GRM7: variants seen among roughly 807,000 people sequenced by gnomAD.
GRM7 encodes the protein metabotropic glutamate receptor 7.
Under a neutral mutation model 84.5 loss-of-function variants are expected in GRM7, and 35 were observed. The observed-to-expected ratio is 0.41, with a 90% CI of 0.32 to 0.55. The LOEUF (loss-of-function observed/expected upper bound fraction) is 0.55, where lower values mean the gene tolerates loss of function less well. Ranked by LOEUF, GRM7 falls within the 20% of genes least tolerant of loss-of-function variation. GRM7 has a pLI of 0.19. For synonymous variants in GRM7, 487 were observed against 455.1 expected, an observed-to-expected ratio of 1.07 and a Z score of -0.89; for missense variants, 1,003 against 1,194.6, an observed-to-expected ratio of 0.84 and a Z score of 2.36.
At chr3:7,123,654 G>A (rs1197322465) in intron 1 of GRM7, among the ~76,000 whole-genome samples, 1 of 151,942 alleles carries the variant, frequency 6.6e-6, no homozygotes, top group African/African-American at 2.4e-5. Flanking sequence ...GCATTGTTCA[G>A]GAATGCACTA....
At chr3:6,954,331 A>G (rs1425189157) in intron 1 of GRM7, among the ~76,000 whole-genome samples, 2 of 152,180 alleles carry the variant, frequency 1.3e-5, no homozygotes, top group Non-Finnish European at 2.9e-5. Context: ...TTCTGCAATT[A>G]ACTTATGTTG....
At chr3:7,310,823 C>T (rs939900407) in intron 4 of GRM7, among the ~76,000 whole-genome samples, 1 of 151,624 alleles carries the variant, frequency 6.6e-6, no homozygotes, top group African/African-American at 2.4e-5. Context: ...TGAGTTATAC[C>T]CTATCCAAGT....
At chr3:6,975,254 C>T (rs571414678) in intron 1 of GRM7, among the ~76,000 whole-genome samples, 7 of 152,200 alleles carry the variant, frequency 4.6e-5, no homozygotes, top group South Asian at 2.1e-4. Flanking sequence ...AAAGAAGAAG[C>T]GAGAAATGGT....
chr3:7,394,691 G>T (rs6763574), intron 4 of GRM7, among the ~76,000 whole-genome samples: 90,455 of 151,930 alleles, frequency 0.6, 27,190 homozygotes, highest in Non-Finnish European at 0.65. Flanking sequence ...CAGCAACTTC[G>T]TATTGTCTTA....
intron 6 of GRM7, among the ~76,000 whole-genome samples, chr3:7,453,292 A>G (rs1227672664): frequency 2.0e-5 from 3 of 152,156 alleles, no homozygotes; most frequent in South Asian, 2.1e-4. Context: ...CTCTACTTCA[A>G]TTCCTACATG....
At chr3:6,994,487 G>T (rs1022022133) in intron 1 of GRM7, among the ~76,000 whole-genome samples, 6 of 152,182 alleles carry the variant, frequency 3.9e-5, no homozygotes, top group Non-Finnish European at 8.8e-5. Context: ...GTCCACAGGA[G>T]GGAGACACTA....
In GRM7 at chr3:7,409,686, T is replaced by C. The variant is rs1052387185; in HGVS notation, c.1034-5337T>C. On this transcript the variant is annotated intron_variant, in intron 4 of 9. Coordinates refer to ENST00000357716, the MANE Select transcript of GRM7 (RefSeq NM_000844.4). ...CGGGATCTTGGCTCACTGCAACCTCTGCCTCCTGGGTTCAAGCAGTTCTCC... is the reference window on the plus strand; with the variant it reads ...CGGGATCTTGGCTCACTGCAACCTCCGCCTCCTGGGTTCAAGCAGTTCTCC... Among the ~76,000 whole-genome samples, 4 of 152,218 alleles carry C rather than the reference T, an allele frequency of 2.6e-5. No homozygotes were observed. In the South Asian group the frequency reaches 6.2e-4, roughly 24 times the overall value.
chr3:7,712,966 C>T (rs1701633828), intron 9 of GRM7, among the ~76,000 whole-genome samples: 2 of 152,076 alleles, frequency 1.3e-5, no homozygotes, highest in Middle Eastern at 6.8e-3. Flanking sequence ...TGTCTACCTG[C>T]CTGTGTCCAA....
rs951703105 is a variant in GRM7, at chr3:6,957,763, T to G, written c.519+95856T>G. Among the ~76,000 whole-genome samples the G allele has an allele frequency of 2.6e-5, 4 of 152,184 alleles. No homozygotes were observed. The East Asian group carries it at 7.7e-4, about 29-fold the overall frequency. Reference sequence around the variant, plus strand: ...ACACCTTCAATGTTTCATCCATTCATTCAATGTAATAAGTGGTGAGAAAAC... The same window carrying G: ...ACACCTTCAATGTTTCATCCATTCAGTCAATGTAATAAGTGGTGAGAAAAC... On this transcript the variant is annotated intron_variant, in intron 1 of 9. Coordinates refer to ENST00000357716, the MANE Select transcript of GRM7 (RefSeq NM_000844.4).
intron 9 of GRM7, 123 bp downstream of exon 9, chr3:7,680,418 T>C (rs940974350): frequency 1.9e-5 from 18 of 950,440 alleles, no homozygotes; most frequent in African/African-American, 3.3e-5. Flanking sequence ...CTGGGTTGCC[T>C]TGGTGAATGC....
At chr3:7,362,167 T>A (rs1214721805) in intron 4 of GRM7, among the ~76,000 whole-genome samples, 2 of 152,054 alleles carry the variant, frequency 1.3e-5, no homozygotes, top group African/African-American at 2.4e-5. Flanking sequence ...ATAATAGTCA[T>A]TTTTTTAGTC....
intron 7 of GRM7, among the ~76,000 whole-genome samples, chr3:7,506,121 C>T (rs990719475): frequency 6.6e-6 from 1 of 152,172 alleles, no homozygotes; most frequent in East Asian, 1.9e-4. Flanking sequence ...GACCAGATAT[C>T]CTAATTTATC....
chr3:7,462,322 CT>C (rs1181616359), intron 7 of GRM7, among the ~76,000 whole-genome samples: 5 of 152,120 alleles, frequency 3.3e-5, no homozygotes, highest in African/African-American at 1.2e-4. Context: ...CTATTTAGGC[CT>C]TGAAATAATT....
chr3:7,649,729 C>G (rs1392494725), intron 8 of GRM7, among the ~76,000 whole-genome samples: 2 of 151,998 alleles, frequency 1.3e-5, no homozygotes, highest in Non-Finnish European at 1.5e-5. Context: ...CTGACTTCAA[C>G]TATTTACCAT....
At chr3:7,614,806 C>G (rs1378632217) in intron 8 of GRM7, among the ~76,000 whole-genome samples, 8 of 152,136 alleles carry the variant, frequency 5.3e-5, no homozygotes, top group Non-Finnish European at 1.0e-4. Flanking sequence ...GTAATTTAGT[C>G]AACCCCCTTC....
In GRM7 at chr3:6,965,272, A is replaced by T. The variant is rs181489763; in HGVS notation, c.519+103365A>T. On this transcript the variant is annotated intron_variant, in intron 1 of 9. Transcript: ENST00000357716. ...TTCTGTGTCAGATGACATTTGCTTA[A>T]CAATGTTACCTTCTCTCCTTTCATT... Among the ~76,000 whole-genome samples the T allele has an allele frequency of 8.0e-4, 122 of 152,242 alleles. 1 individual carries two copies. The highest frequency in any genetic ancestry group is 2.8e-3 in the African/African-American group (118 of 41,534).
At chr3:7,287,443 C>G (rs1032343646) in intron 2 of GRM7, among the ~76,000 whole-genome samples, 1 of 152,120 alleles carries the variant, frequency 6.6e-6, no homozygotes, top group Non-Finnish European at 1.5e-5. Flanking sequence ...ACAACTCAGT[C>G]GATCTTCTGG....
intron 8 of GRM7, 143 bp downstream of exon 8, chr3:7,579,500 A>G (rs1296666714): frequency 5.1e-6 from 3 of 583,876 alleles, no homozygotes; most frequent in Non-Finnish European, 3.0e-6. Context: ...TTCAAGGTCT[A>G]GTAGGCTTCA....
At chr3:7,708,622 T>C (rs1348596928) in intron 9 of GRM7, among the ~76,000 whole-genome samples, 1 of 152,246 alleles carries the variant, frequency 6.6e-6, no homozygotes, top group Admixed American at 6.5e-5. Context: ...GCCTAAACTT[T>C]CATTCATAAG....
Sources: allele counts gnomAD v4.1 joint callset (sites outside exome capture counted in the v4.1 genomes callset), GRCh38; gene constraint gnomAD v4.1.1; transcripts MANE v1.5; gene names NCBI Gene and HGNC (gene_info 2026-07-23, HGNC 2026-07-21).